MEGF11: variants seen among roughly 807,000 people sequenced by gnomAD.
The protein encoded by MEGF11 is multiple epidermal growth factor-like domains protein 11.
A neutral mutation model predicts 146.6 loss-of-function variants in MEGF11; 126 were observed. The observed-to-expected ratio is 0.86, with a 90% CI of 0.74 to 1.00. The LOEUF (loss-of-function observed/expected upper bound fraction) is 1.00. Ranked by LOEUF, MEGF11 falls within the 50% of genes least tolerant of loss-of-function variation. The probability of loss-of-function intolerance (pLI) is 0.00; values close to 1 mark genes in which losing one functional copy is unlikely to be tolerated. For missense variants in MEGF11, 1,509 were observed against 1,521.2 expected (o/e 0.99, Z 0.13); for synonymous variants, 532 against 583.4 (o/e 0.91, Z 1.27).
rs147108602 is a variant in MEGF11 at position 65,897,946 on chromosome 15, G to A, written c.3411C>T (p.Asp1137=). ...RQSPANGPSQ[D]KQS ...AAGCTTATCCCTCTTAAGATTGCTT[G>A]TCCTGGGACGGCCCATTGGCAGGGC... Residue 1137 remains aspartate, a synonymous_variant, in exon 26 of 26, where the codon GAC becomes GAT. Coordinates refer to ENST00000395614, the MANE Select transcript of MEGF11 (RefSeq NM_001385028.1). 9.9e-6 allele frequency: 16 copies of A among 1,613,840 alleles called. No individual in the cohort carries two copies. In the East Asian group the frequency reaches 3.6e-4, roughly 36 times the overall value.
chr15:66,104,107 G>A (rs1046795946), intron 4 of MEGF11, among the ~76,000 whole-genome samples: 2 of 152,214 alleles, frequency 1.3e-5, no homozygotes, highest in African/African-American at 2.4e-5. Flanking sequence ...CACCAAAAAT[G>A]GGAGCCCCTC....
At chr15:65,970,017 CA>C (rs112773791) in intron 8 of MEGF11, among the ~76,000 whole-genome samples, 2,295 of 152,290 alleles carry the variant, frequency 0.015, 27 homozygotes, top group Non-Finnish European at 0.024. Flanking sequence ...GCACACATGG[CA>C]ATTCCCCAGT....
intron 5 of MEGF11, among the ~76,000 whole-genome samples, chr15:66,048,357 G>A (rs2084306920): frequency 1.3e-5 from 2 of 152,234 alleles, no homozygotes; most frequent in African/African-American, 4.8e-5. Context: ...CCTGCACTAT[G>A]TCACCAAGGG....
intron 1 of MEGF11, among the ~76,000 whole-genome samples, chr15:66,169,573 G>C (rs2090190044): frequency 6.6e-6 from 1 of 152,240 alleles, no homozygotes; most frequent in Non-Finnish European, 1.5e-5. Flanking sequence ...TTCATCCATA[G>C]TAATAGCTAA....
rs2079350732 is a variant in MEGF11, at chr15:65,925,752, A to G, written c.1675+2673T>C. ...GGGTAAACCTAGGCTAGGAATCCAT[A>G]CATGTTGATCTCTAGTTCATGCAGT... On this transcript the variant is annotated intron_variant, in intron 13 of 25. Coordinates refer to ENST00000395614, the MANE Select transcript of MEGF11 (RefSeq NM_001385028.1). Among the ~76,000 whole-genome samples the G allele has an allele frequency of 2.6e-5, 4 of 152,110 alleles. No individual in the cohort carries two copies. In the South Asian group the frequency reaches 8.3e-4, roughly 32 times the overall value.
chr15:66,074,736 C>T (rs1016520541), intron 5 of MEGF11, among the ~76,000 whole-genome samples: 3 of 152,162 alleles, frequency 2.0e-5, no homozygotes, highest in African/African-American at 7.2e-5. Context: ...TACCAAACTG[C>T]TCCCTAACGT....
chr15:66,243,406 G>A (rs1010002316), intron 1 of MEGF11, among the ~76,000 whole-genome samples: 6 of 152,204 alleles, frequency 3.9e-5, no homozygotes, highest in African/African-American at 1.4e-4. Context: ...GGACTCACCC[G>A]TCATCCCTGG....
chr15:66,130,135 C>T (rs369414451), intron 1 of MEGF11, among the ~76,000 whole-genome samples: 1 of 152,134 alleles, frequency 6.6e-6, no homozygotes, highest in South Asian at 2.1e-4. Flanking sequence ...AGGAGCTCAG[C>T]GATCATTTCA....
At position 65,992,380 on chromosome 15, in the gene MEGF11, C is replaced by T. The variant is rs1480571831; in HGVS notation, c.395-9892G>A. On this transcript the variant is annotated intron_variant, in intron 5 of 25. Transcript: ENST00000395614. ...GCTTGGCACTGCACCATTAGGACCC[C>T]GTTCCTCAAGGGCTGCAGGAATCCC... 6.7e-5 allele frequency among the ~76,000 whole-genome samples: 10 copies of T among 150,316 alleles called. No individual in the cohort carries two copies. The East Asian group carries it at 1.0e-3, about 15-fold the overall frequency.
intron 1 of MEGF11, among the ~76,000 whole-genome samples, chr15:66,242,129 G>A (rs72746250): frequency 0.17 from 25,755 of 152,140 alleles, 2,660 homozygotes; most frequent in Middle Eastern, 0.3. Flanking sequence ...GGGGCAAGCC[G>A]GACATAGTGA....
At chr15:65,924,571 C>G (rs1328726387) in intron 13 of MEGF11, among the ~76,000 whole-genome samples, 1 of 149,126 alleles carries the variant, frequency 6.7e-6, no homozygotes, top group African/African-American at 2.5e-5. Flanking sequence ...TTGGATCCAT[C>G]TTCAAGTTTC....
At chr15:66,026,788 G>A (rs564742239) in intron 5 of MEGF11, among the ~76,000 whole-genome samples, 5 of 152,044 alleles carry the variant, frequency 3.3e-5, no homozygotes, top group African/African-American at 4.8e-5. Flanking sequence ...ACACCTGGCC[G>A]AAGCCTAGCA....
chr15:66,088,468 A>T (rs1194143724), intron 5 of MEGF11, among the ~76,000 whole-genome samples: 3 of 152,204 alleles, frequency 2.0e-5, no homozygotes, highest in African/African-American at 7.2e-5. Context: ...CTTGGCCAAC[A>T]TGGTGAAACC....
At chr15:66,175,433 A>ATAG (rs149867420) in intron 1 of MEGF11, among the ~76,000 whole-genome samples, 4,377 of 152,302 alleles carry the variant, frequency 0.029, 186 homozygotes, top group African/African-American at 0.098. Context: ...CTGCAAAGCT[A>ATAG]TAGTAACCAA....
At chr15:65,965,850 T>C (rs962705031) in intron 8 of MEGF11, among the ~76,000 whole-genome samples, 4 of 151,936 alleles carry the variant, frequency 2.6e-5, no homozygotes, top group African/African-American at 7.3e-5. Context: ...CCCCATAGAA[T>C]TGACTGTTTT....
chr15:66,197,793 G>A (rs1269927234), intron 1 of MEGF11, among the ~76,000 whole-genome samples: 1 of 152,148 alleles, frequency 6.6e-6, no homozygotes, highest in Admixed American at 6.5e-5. Flanking sequence ...GTCCTAACAG[G>A]TAGCTTACAT....
At chr15:66,081,535 T>G (rs189082217) in intron 5 of MEGF11, among the ~76,000 whole-genome samples, 94 of 152,312 alleles carry the variant, frequency 6.2e-4, no homozygotes, top group African/African-American at 2.0e-3. Flanking sequence ...CCCTCCACCA[T>G]GCCCAGCTAA....
At chr15:66,220,634 A>G (rs1173925820) in intron 1 of MEGF11, among the ~76,000 whole-genome samples, 1 of 150,054 alleles carries the variant, frequency 6.7e-6, no homozygotes, top group African/African-American at 2.5e-5. Context: ...ACCTCCCAGG[A>G]TCACGCAATC....
At chr15:66,185,366 A>G (rs1461975543) in intron 1 of MEGF11, among the ~76,000 whole-genome samples, 2 of 152,196 alleles carry the variant, frequency 1.3e-5, no homozygotes, top group African/African-American at 2.4e-5. Flanking sequence ...GCCACTTTGC[A>G]TAAAGTAAAT....
Sources: allele counts gnomAD v4.1 joint callset (sites outside exome capture counted in the v4.1 genomes callset), GRCh38; gene constraint gnomAD v4.1.1; transcripts MANE v1.5; gene names NCBI Gene and HGNC (gene_info 2026-07-23, HGNC 2026-07-21).